The following CNIH4 variants were observed in gnomAD, a reference collection of about 807,000 sequenced individuals.
CNIH4 encodes the protein protein cornichon homolog 4.
A neutral mutation model predicts 21.5 loss-of-function variants in CNIH4; 9 were observed. The ratio of observed to expected loss-of-function variants is 0.42; its 90% CI spans 0.25 to 0.73. The LOEUF is 0.73. Ranked by LOEUF, CNIH4 falls within the 30% of genes least tolerant of loss-of-function variation. CNIH4 has a pLI of 0.27. For missense variants in CNIH4, 159 were observed against 170.0 expected (o/e 0.94, Z 0.36); for synonymous variants, 67 against 59.1 (o/e 1.13, Z -0.61).
intron 2 of CNIH4, 105 bp from the exon 3 acceptor site, chr1:224,365,774 A>G (rs1672432769): frequency 2.6e-6 from 2 of 778,710 alleles, no homozygotes; most frequent in Admixed American, 1.8e-5. Flanking sequence ...ATCTTGAAAC[A>G]GTAGCTTGTA....
intron 2 of CNIH4, among the ~76,000 whole-genome samples, chr1:224,361,854 G>A (rs1445951322): frequency 6.6e-6 from 1 of 152,196 alleles, no homozygotes; most frequent in African/African-American, 2.4e-5. Context: ...CAAAGTGTTA[G>A]GATTACAGTT....
intron 3 of CNIH4, among the ~76,000 whole-genome samples, 178 bp downstream of exon 3, chr1:224,366,169 G>A (rs1311354490): frequency 1.3e-5 from 2 of 151,718 alleles, no homozygotes; most frequent in Non-Finnish European, 2.9e-5. Flanking sequence ...AGCCTCCCAA[G>A]TAGCTGGGAC....
chr1:224,358,164 G>T (rs1239373199), intron 1 of CNIH4, among the ~76,000 whole-genome samples: 2 of 152,188 alleles, frequency 1.3e-5, no homozygotes, highest in East Asian at 1.9e-4. Flanking sequence ...CTCTTTGCTT[G>T]CACATTATTT....
chr1:224,375,588 C>T (rs775838575), intron 4 of CNIH4, among the ~76,000 whole-genome samples: 1 of 151,878 alleles, frequency 6.6e-6, no homozygotes, highest in African/African-American at 2.4e-5. Flanking sequence ...GTACTTCCCC[C>T]AACTCCCCAC....
chr1:224,362,085 A>ATT lies in CNIH4; in HGVS notation c.138+1534_138+1535dup, dbSNP rs35913393. Among the ~76,000 whole-genome samples the ATT allele has an allele frequency of 3.0e-3, 435 of 145,340 alleles. 8 individuals are homozygous for ATT. The East Asian group carries it at 0.044, about 15-fold the overall frequency. ...GGTTCAAGTTGGGAAGTACCATGCC[A>ATT]TTTTTTTTTTTTTGAGACGGAGTCT... On this transcript the variant is annotated intron_variant, in intron 2 of 4. Coordinates refer to ENST00000465271, the MANE Select transcript of CNIH4 (RefSeq NM_014184.4).
chr1:224,369,469 C>T (rs537556835), intron 3 of CNIH4, among the ~76,000 whole-genome samples: 2 of 152,054 alleles, frequency 1.3e-5, no homozygotes, highest in South Asian at 2.1e-4. Flanking sequence ...CCAGCTACTC[C>T]GCAGCCTGAG....
At position 224,376,639 on chromosome 1, in the gene CNIH4, G is replaced by A; in HGVS notation, c.*817G>A. ...AGATTAGAAGCAGGAATAGTTATTT[G>A]CTGTCTGTGAAATTGAGCCTTTTGG... is the stretch of plus-strand genomic sequence containing the variant. On this transcript the variant is annotated 3_prime_UTR_variant, in exon 5 of 5. Coordinates refer to ENST00000465271, the MANE Select transcript of CNIH4 (RefSeq NM_014184.4). 2.0e-6 allele frequency: 2 copies of A among 985,410 alleles called. No individual in the cohort carries two copies. The highest frequency in any genetic ancestry group is 2.4e-6 in the Non-Finnish European group (2 of 829,928). The allele number at this position is 985,410 out of a possible 1,614,324, so 61.0% of individuals were successfully genotyped here.
chr1:224,360,128 G>C (rs1001237458), intron 1 of CNIH4, among the ~76,000 whole-genome samples: 3 of 151,952 alleles, frequency 2.0e-5, no homozygotes, highest in East Asian at 1.9e-4. Context: ...AGAGATGGAG[G>C]CTTGCTATGT....
intron 2 of CNIH4, among the ~76,000 whole-genome samples, chr1:224,364,918 C>T (rs1014755316): frequency 3.2e-4 from 46 of 141,792 alleles, no homozygotes; most frequent in African/African-American, 1.1e-3. Flanking sequence ...GGCGACAGAG[C>T]GAAAAAAAAA....
chr1:224,370,057 C>G (rs1441327745), intron 3 of CNIH4, among the ~76,000 whole-genome samples: 1 of 150,788 alleles, frequency 6.6e-6, no homozygotes, highest in Non-Finnish European at 1.5e-5. Context: ...TACTGTGTAC[C>G]CACAAAAATT....
At chr1:224,374,361 AG>A (rs1672719179) in intron 4 of CNIH4, among the ~76,000 whole-genome samples, 2 of 151,576 alleles carry the variant, frequency 1.3e-5, no homozygotes, top group Admixed American at 1.3e-4. Flanking sequence ...GTGCTAGCCT[AG>A]TGGAATGTGG....
chr1:224,358,060 A>G (rs950895312), intron 1 of CNIH4, among the ~76,000 whole-genome samples: 3 of 152,222 alleles, frequency 2.0e-5, no homozygotes, highest in African/African-American at 7.2e-5. Context: ...CGTACAGAGT[A>G]TATGTTCAGT....
At chr1:224,358,346 T>G (rs981501441) in intron 1 of CNIH4, among the ~76,000 whole-genome samples, 1 of 152,268 alleles carries the variant, frequency 6.6e-6, no homozygotes, top group Non-Finnish European at 1.5e-5. Context: ...CAGTTTTTAC[T>G]TTGATGATAT....
At chr1:224,366,068 A>G in intron 3 of CNIH4, 77 bp downstream of exon 3, 1 of 903,122 alleles carries the variant, frequency 1.1e-6, no homozygotes, top group South Asian at 1.3e-5. Flanking sequence ...TCAAGACAGG[A>G]TCTTACTCTG....
chr1:224,370,262 A>C (rs1279292667), intron 3 of CNIH4, among the ~76,000 whole-genome samples: 1 of 152,068 alleles, frequency 6.6e-6, no homozygotes, highest in Non-Finnish European at 1.5e-5. Flanking sequence ...GAAATTAGAC[A>C]AGGATGAGAT....
chr1:224,368,306 G>A (rs1204003872), intron 3 of CNIH4, among the ~76,000 whole-genome samples: 5 of 152,052 alleles, frequency 3.3e-5, no homozygotes, highest in Non-Finnish European at 2.9e-5. Flanking sequence ...CACTCCAGCC[G>A]GGAAACAGAG....
rs768665444 is a variant in CNIH4 at position 224,356,913 on chromosome 1, CGGA to C, written c.-2_1del. 1.2e-6 allele frequency: 2 copies of C among 1,603,450 alleles called. No individual in the cohort carries two copies. The highest frequency in any genetic ancestry group is 3.4e-5 in the Admixed American group (2 of 58,852). ...GGTTTGACGGAAGGAGCGGCGGCGA[CGGA>C]GGAGGAGGATGGAGGCGGTGGTGTT... On this transcript the variant is annotated 5_prime_UTR_variant, in exon 1 of 5. Transcript: ENST00000465271.
chr1:224,362,487 CTTTT>C (rs34251914), intron 2 of CNIH4, among the ~76,000 whole-genome samples: 13 of 83,756 alleles, frequency 1.6e-4, no homozygotes, highest in African/African-American at 4.5e-4. Context: ...TCGCTGTGTA[CTTTT>C]TTTTTTTTTT....
Position 224,378,940 on chromosome 1 carries a change from A to ACCACT in CNIH4, c.*3121_*3125dup. 3 of 857,538 alleles carry ACCACT rather than the reference A, an allele frequency of 3.5e-6. No individual in the cohort carries two copies. The highest frequency in any genetic ancestry group is 5.8e-6 in the Non-Finnish European group (3 of 520,438). The allele number at this position is 857,538 out of a possible 1,614,324, so 53.1% of individuals were successfully genotyped here. On this transcript the variant is annotated 3_prime_UTR_variant, in exon 5 of 5. Coordinates refer to ENST00000465271, the MANE Select transcript of CNIH4 (RefSeq NM_014184.4). ...CTTAGTCCAGTGTTCTCTCTCCCTT[A>ACCACT]CCACTCCTCTTCCCCTTCCCTCTAT... is the stretch of plus-strand genomic sequence containing the variant.
Sources: gnomAD v4.1 joint callset for allele counts (sites outside exome capture counted in the v4.1 genomes callset) on GRCh38, gnomAD v4.1.1 for gene constraint, MANE v1.5 for transcripts, NCBI Gene and HGNC (gene_info 2026-07-23, HGNC 2026-07-21) for gene names.